ADAMTS6: variants seen among roughly 807,000 people sequenced by gnomAD.
ADAMTS6 encodes ADAM metallopeptidase with thrombospondin type 1 motif 6, also known as A disintegrin and metalloproteinase with thrombospondin motifs 6.
Under a neutral mutation model 144.3 loss-of-function variants are expected in ADAMTS6, and 23 were observed. The ratio of observed to expected loss-of-function variants is 0.16; its 90% CI spans 0.11 to 0.23. The LOEUF is 0.23. Ranked by LOEUF, ADAMTS6 falls within the 10% of genes least tolerant of loss-of-function variation. The pLI, the probability that ADAMTS6 is intolerant of heterozygous loss-of-function variation, is 1.00. For missense variants in ADAMTS6, 999 were observed against 1,379.6 expected (o/e 0.72, Z 4.37); for synonymous variants, 444 against 457.5 (o/e 0.97, Z 0.38).
At chr5:65,461,811 A>G (rs1420109858) in intron 3 of ADAMTS6, among the ~76,000 whole-genome samples, 3 of 152,198 alleles carry the variant, frequency 2.0e-5, no homozygotes, top group Non-Finnish European at 2.9e-5. Context: ...TCATTTGAAA[A>G]AGGGGTTTTG....
intron 9 of ADAMTS6, among the ~76,000 whole-genome samples, chr5:65,309,819 T>C (rs903967675): frequency 6.6e-6 from 1 of 152,006 alleles, no homozygotes; most frequent in African/African-American, 2.4e-5. Flanking sequence ...CTAAAAATAA[T>C]GGTATAGCTG....
At chr5:65,247,374 C>T (rs1759721605) in intron 14 of ADAMTS6, among the ~76,000 whole-genome samples, 1 of 152,134 alleles carries the variant, frequency 6.6e-6, no homozygotes, top group South Asian at 2.1e-4. Context: ...TTCATTGAGG[C>T]CTAAAAGTTG....
chr5:65,277,655 T>C (rs1762651109), intron 11 of ADAMTS6, among the ~76,000 whole-genome samples: 1 of 152,088 alleles, frequency 6.6e-6, no homozygotes, highest in South Asian at 2.1e-4. Context: ...GGTGTTACAG[T>C]AGACTGTAAA....
At chr5:65,288,464 C>T (rs1214243793) in intron 11 of ADAMTS6, among the ~76,000 whole-genome samples, 8 of 152,066 alleles carry the variant, frequency 5.3e-5, no homozygotes, top group East Asian at 1.9e-4. Flanking sequence ...GGACTACAGG[C>T]GTGCACCACC....
chr5:65,416,748 TAA>T (rs143757215), intron 7 of ADAMTS6, among the ~76,000 whole-genome samples: 77,742 of 132,462 alleles, frequency 0.59, 22,729 homozygotes, highest in African/African-American at 0.72. Context: ...AGACTCCATT[TAA>T]AAAAAAAAAA....
chr5:65,459,140 A>C (rs1759458671), intron 4 of ADAMTS6, among the ~76,000 whole-genome samples: 1 of 151,496 alleles, frequency 6.6e-6, no homozygotes, highest in Admixed American at 6.6e-5. Flanking sequence ...TGCCTCCCTG[A>C]GAGCTGGGAT....
At chr5:65,354,692 G>A (rs1008881957) in intron 7 of ADAMTS6, among the ~76,000 whole-genome samples, 48 of 151,172 alleles carry the variant, frequency 3.2e-4, no homozygotes, top group Non-Finnish European at 4.7e-4. Context: ...TTTAATTTAG[G>A]AATAATATCT....
intron 7 of ADAMTS6, among the ~76,000 whole-genome samples, chr5:65,398,737 A>G (rs905273261): frequency 2.0e-5 from 3 of 150,268 alleles, no homozygotes; most frequent in East Asian, 3.9e-4. Context: ...GAGAGAGAGA[A>G]AGAGAGATAA....
intron 10 of ADAMTS6, among the ~76,000 whole-genome samples, chr5:65,296,177 T>C (rs1742819871): frequency 6.6e-6 from 1 of 152,116 alleles, no homozygotes; most frequent in Non-Finnish European, 1.5e-5. Flanking sequence ...CAACAAAAAG[T>C]TAACACTTAA....
At chr5:65,270,256 G>C (rs1761950238) in intron 12 of ADAMTS6, among the ~76,000 whole-genome samples, 1 of 152,078 alleles carries the variant, frequency 6.6e-6, no homozygotes, top group African/African-American at 2.4e-5. Flanking sequence ...GTTTTGCTCT[G>C]GGTCAAAATT....
At chr5:65,387,763 AG>A (rs1281131849) in intron 7 of ADAMTS6, among the ~76,000 whole-genome samples, 1 of 152,226 alleles carries the variant, frequency 6.6e-6, no homozygotes, top group African/African-American at 2.4e-5. Flanking sequence ...GCCAAAAAAA[AG>A]AAAAAGCAAG....
chr5:65,340,361 C>T (rs887753793), intron 7 of ADAMTS6, among the ~76,000 whole-genome samples: 2 of 152,040 alleles, frequency 1.3e-5, no homozygotes, highest in African/African-American at 4.8e-5. Context: ...CCTGGCCTTA[C>T]AAGACATGCT....
At chr5:65,400,113 A>T (rs1051982138) in intron 7 of ADAMTS6, among the ~76,000 whole-genome samples, 1 of 152,178 alleles carries the variant, frequency 6.6e-6, no homozygotes, top group Non-Finnish European at 1.5e-5. Context: ...TTGAGTAGTT[A>T]GATGTAGTTC....
intron 9 of ADAMTS6, among the ~76,000 whole-genome samples, 197 bp from the exon 10 acceptor site, chr5:65,300,328 T>C (rs1743231653): frequency 6.6e-6 from 1 of 152,212 alleles, no homozygotes; most frequent in Non-Finnish European, 1.5e-5. Flanking sequence ...ACAATACATG[T>C]CTAAATCTCT....
chr5:65,461,031 C>A (rs786538), intron 3 of ADAMTS6, among the ~76,000 whole-genome samples: 6,700 of 152,264 alleles, frequency 0.044, 220 homozygotes, highest in Non-Finnish European at 0.067. Flanking sequence ...AAGTAACAGG[C>A]TCAGAGGACT....
At chr5:65,206,184 C>T (rs1756071772) in intron 20 of ADAMTS6, among the ~76,000 whole-genome samples, 1 of 151,980 alleles carries the variant, frequency 6.6e-6, no homozygotes, top group South Asian at 2.1e-4. Context: ...AAAATAACAT[C>T]CCCAAGACAG....
intron 7 of ADAMTS6, among the ~76,000 whole-genome samples, chr5:65,443,271 A>C (rs1758005750): frequency 6.6e-6 from 1 of 152,142 alleles, no homozygotes; most frequent in Non-Finnish European, 1.5e-5. Flanking sequence ...TAGATATCTA[A>C]CTACATTAAA....
In ADAMTS6 at chr5:65,333,997, TAAAAAAAAAAAA is replaced by T. The variant is rs750637450; in HGVS notation, c.1117+33_1117+44del. The T allele has an allele frequency of 1.7e-4, 145 of 842,394 alleles. 1 individual carries two copies. Among genetic ancestry groups the T allele is most frequent in the African/African-American group, 1.6e-3 (49 of 29,854 alleles). 52.2% of individuals were successfully genotyped at this position (842,394 alleles called of 1,614,324 possible). Reference sequence around the variant, plus strand: ...ACAATCAGAACCATTCTACCTTTATTAAAAAAAAAAAAAAAAAAAAAAAAAAAAACCAAAAAA... The same window carrying T: ...ACAATCAGAACCATTCTACCTTTATTAAAAAAAAAAAAAAAAACCAAAAAA... On this transcript the variant is annotated intron_variant, in intron 8 of 24. Coordinates refer to ENST00000381055, the MANE Select transcript of ADAMTS6 (RefSeq NM_197941.4).
intron 20 of ADAMTS6, among the ~76,000 whole-genome samples, chr5:65,213,691 G>T (rs981441626): frequency 4.6e-5 from 7 of 151,842 alleles, no homozygotes; most frequent in Non-Finnish European, 2.9e-5. Context: ...TAGATTATAT[G>T]TTAATTATTT....
Sources: allele counts gnomAD v4.1 joint callset (sites outside exome capture counted in the v4.1 genomes callset), GRCh38; gene constraint gnomAD v4.1.1; transcripts MANE v1.5; gene names NCBI Gene and HGNC (gene_info 2026-07-23, HGNC 2026-07-21).